Variants in TASP1 observed in about 807,000 individuals in gnomAD.
TASP1 encodes threonine aspartase 1.
TASP1 carries 16 observed loss-of-function variants against 56.6 expected under a neutral mutation model. The observed-to-expected ratio is 0.28, with a 90% CI of 0.19 to 0.43. The LOEUF (loss-of-function observed/expected upper bound fraction) is 0.43, where lower values mean the gene tolerates loss of function less well. Among genes scored for constraint, TASP1 ranks in the 20% least tolerant of loss-of-function variants. The pLI is 1.00. For missense variants in TASP1, 393 were observed against 511.6 expected, an observed-to-expected ratio of 0.77 and a Z score of 2.24; for synonymous variants, 179 against 184.2, an observed-to-expected ratio of 0.97 and a Z score of 0.23.
the TASP1 span, among the ~76,000 whole-genome samples, chr20:13,214,552 CACACACACACAG>C: frequency 1.4e-3 from 144 of 103,114 alleles, no homozygotes; most frequent in African/African-American, 3.7e-3. Context: ...CACACACACA[CACACACACACAG>C]AGAGAGAGAG....
At chr20:13,535,070 C>G (rs1261673609) in intron 8 of TASP1, among the ~76,000 whole-genome samples, 2 of 152,148 alleles carry the variant, frequency 1.3e-5, no homozygotes, top group African/African-American at 4.8e-5. Flanking sequence ...TTACCCCCAC[C>G]ACCAGTATGC....
the TASP1 span, among the ~76,000 whole-genome samples, chr20:13,341,066 A>C: frequency 6.6e-6 from 1 of 152,198 alleles, no homozygotes; most frequent in East Asian, 1.9e-4. Context: ...GGGAATGAGT[A>C]AACAGGAGCT....
At chr20:13,203,898 A>G in the TASP1 span, among the ~76,000 whole-genome samples, 1 of 152,240 alleles carries the variant, frequency 6.6e-6, no homozygotes, top group African/African-American at 2.4e-5. Context: ...CTCACCCTTT[A>G]AAATAATGTC....
chr20:13,330,003 C>T, the TASP1 span, among the ~76,000 whole-genome samples: 48 of 151,934 alleles, frequency 3.2e-4, no homozygotes, highest in African/African-American at 1.1e-3. Context: ...GTCACCCAGA[C>T]CAGAGTGCAG....
At position 13,590,514 on chromosome 20, in the gene TASP1, C is replaced by T. The variant is rs1032579657; in HGVS notation, c.283-3144G>A. Reference sequence around the variant, plus strand: ...TGTTAAACTCGATCATATAAACATACTCTATATGTTCAGGTAGGTATATGA... The same window carrying T: ...TGTTAAACTCGATCATATAAACATATTCTATATGTTCAGGTAGGTATATGA... On this transcript the variant is annotated intron_variant, in intron 4 of 13. Coordinates refer to ENST00000337743, the MANE Select transcript of TASP1 (RefSeq NM_017714.3). 3.4e-4 allele frequency among the ~76,000 whole-genome samples: 52 copies of T among 152,110 alleles called. 2 individuals are homozygous for T. Among genetic ancestry groups the T allele is most frequent in the Admixed American group, 2.0e-3 (30 of 15,266 alleles).
At chr20:13,332,668 T>C in the TASP1 span, among the ~76,000 whole-genome samples, 1 of 152,220 alleles carries the variant, frequency 6.6e-6, no homozygotes, top group Non-Finnish European at 1.5e-5. Context: ...GGATTAGTGA[T>C]GAATAAGGAA....
At chr20:13,514,414 G>A (rs2044447177) in intron 10 of TASP1, among the ~76,000 whole-genome samples, 1 of 152,156 alleles carries the variant, frequency 6.6e-6, no homozygotes, top group African/African-American at 2.4e-5. Flanking sequence ...GGTGCGAAGT[G>A]AGAACATCCA....
At chr20:13,239,268 C>T in the TASP1 span, among the ~76,000 whole-genome samples, 1 of 152,212 alleles carries the variant, frequency 6.6e-6, no homozygotes, top group Non-Finnish European at 1.5e-5. Context: ...ACTCATTGCC[C>T]TGAAACTCTG....
chr20:13,551,192 C>T (rs565671982), intron 8 of TASP1, among the ~76,000 whole-genome samples: 2 of 151,934 alleles, frequency 1.3e-5, no homozygotes, highest in South Asian at 2.1e-4. Flanking sequence ...TATGAAAGCA[C>T]CAAAATCATT....
chr20:13,222,001 G>A, the TASP1 span: 1 of 1,195,892 alleles, frequency 8.4e-7, no homozygotes, highest in South Asian at 2.8e-5. Flanking sequence ...GTGGATGCAG[G>A]GAGGCAGGTC....
At chr20:13,353,176 C>A in the TASP1 span, among the ~76,000 whole-genome samples, 6 of 149,998 alleles carry the variant, frequency 4.0e-5, no homozygotes, top group Non-Finnish European at 5.9e-5. Context: ...CTCAAGGCTG[C>A]AGTGAGCTAT....
At chr20:13,435,269 G>T in intron 11 of TASP1, 115 bp from the exon 12 acceptor site, 1 of 760,516 alleles carries the variant, frequency 1.3e-6, no homozygotes, top group Non-Finnish European at 2.2e-6. Context: ...CCCATTTTCT[G>T]ATAATCACCA....
chr20:13,330,802 G>C, the TASP1 span, among the ~76,000 whole-genome samples: 3 of 152,104 alleles, frequency 2.0e-5, no homozygotes, highest in Admixed American at 1.3e-4. Context: ...TATGCACTGA[G>C]GTGTTCATAG....
chr20:13,604,782 G>T (rs1383153256), intron 4 of TASP1, among the ~76,000 whole-genome samples: 5 of 152,044 alleles, frequency 3.3e-5, no homozygotes, highest in Admixed American at 1.3e-4. Flanking sequence ...ACTAAGTATT[G>T]GCAAAACTGC....
the TASP1 span, among the ~76,000 whole-genome samples, chr20:13,108,581 T>C: frequency 1.3e-5 from 2 of 152,226 alleles, no homozygotes; most frequent in African/African-American, 4.8e-5. Context: ...ATTTATCTTT[T>C]TTTTTCACTT....
intron 9 of TASP1, among the ~76,000 whole-genome samples, chr20:13,533,267 C>T (rs1011545550): frequency 3.3e-5 from 5 of 152,154 alleles, no homozygotes; most frequent in Non-Finnish European, 7.4e-5. Context: ...GCAACTACTC[C>T]GTGAGAATAT....
intron 11 of TASP1, among the ~76,000 whole-genome samples, chr20:13,482,373 C>T (rs6033724): frequency 0.69 from 105,452 of 151,962 alleles, 36,717 homozygotes; most frequent in African/African-American, 0.73. Context: ...TTGCTTAGGA[C>T]AGCTTTGGCT....
At chr20:13,273,756 C>T in the TASP1 span, among the ~76,000 whole-genome samples, 1 of 152,136 alleles carries the variant, frequency 6.6e-6, no homozygotes. Context: ...TCAAAGTCAA[C>T]AAATCAAAAA....
At position 13,506,548 on chromosome 20, in the gene TASP1, C is replaced by T. The variant is rs140574161; in HGVS notation, c.874+21885G>A. Among the ~76,000 whole-genome samples the T allele has an allele frequency of 5.7e-4, 87 of 152,148 alleles. 1 individual carries two copies. In the East Asian group the frequency reaches 0.015, roughly 27 times the overall value. On this transcript the variant is annotated intron_variant, in intron 10 of 13. Coordinates refer to ENST00000337743, the MANE Select transcript of TASP1 (RefSeq NM_017714.3). ...ACATTAAAATGTTCATTCACCATGA[C>T]CAAGTGAGATTTGTCTCCAGAATGT...
Sources: allele counts gnomAD v4.1 joint callset (sites outside exome capture counted in the v4.1 genomes callset), GRCh38; gene constraint gnomAD v4.1.1; transcripts MANE v1.5; gene names NCBI Gene and HGNC (gene_info 2026-07-23, HGNC 2026-07-21).